The following NCAM1 variants were observed in gnomAD, a reference collection of about 807,000 sequenced individuals.
NCAM1 encodes the protein neural cell adhesion molecule 1.
Under a neutral mutation model 109.8 loss-of-function variants are expected in NCAM1, and 14 were observed. The ratio of observed to expected loss-of-function variants is 0.13; its 90% CI spans 0.08 to 0.20. The LOEUF (loss-of-function observed/expected upper bound fraction) is 0.20. Ranked by LOEUF, NCAM1 falls within the 10% of genes least tolerant of loss-of-function variation. NCAM1 has a pLI of 1.00. For synonymous variants in NCAM1, 418 were observed against 442.9 expected (o/e 0.94, Z 0.70); for missense variants, 774 against 1,109.9 (o/e 0.70, Z 4.30).
chr11:113,018,447 C>A (rs1952277030), intron 1 of NCAM1, among the ~76,000 whole-genome samples: 1 of 152,064 alleles, frequency 6.6e-6, no homozygotes, highest in East Asian at 1.9e-4. Context: ...TTTGGGCAAC[C>A]CTTCCCTTGA....
intron 1 of NCAM1, among the ~76,000 whole-genome samples, chr11:113,124,110 G>T (rs1266082586): frequency 6.6e-6 from 1 of 152,102 alleles, no homozygotes; most frequent in Non-Finnish European, 1.5e-5. Context: ...TTGAAAGAAA[G>T]GATAACAATG....
chr11:112,995,484 A>G (rs1053789185), intron 1 of NCAM1, among the ~76,000 whole-genome samples: 7 of 152,212 alleles, frequency 4.6e-5, no homozygotes, highest in Non-Finnish European at 7.3e-5. Flanking sequence ...AATGTTTACA[A>G]CAGTACTTTT....
rs372222917 is a variant in NCAM1 at position 112,973,753 on chromosome 11, G to A, written c.52+12089G>A. ...CTTTCTGCTAAAGTTCACAGTGAAG[G>A]GATATACAATTCGCGTTGGATTTAA... On this transcript the variant is annotated intron_variant, in intron 1 of 19. Coordinates refer to ENST00000316851, the MANE Select transcript of NCAM1 (RefSeq NM_181351.5). Among the ~76,000 whole-genome samples the A allele has an allele frequency of 2.0e-5, 3 of 152,146 alleles. No homozygotes were observed. In the South Asian group the frequency reaches 6.2e-4, roughly 32 times the overall value.
At chr11:113,235,370 G>C in intron 14 of NCAM1, 1 of 1,129,576 alleles carries the variant, frequency 8.9e-7, no homozygotes, top group South Asian at 1.2e-5. Context: ...TCTCCAAGGG[G>C]TTGGGGACAC....
chr11:113,267,131 T>G (rs1356770829), intron 17 of NCAM1, among the ~76,000 whole-genome samples: 1 of 152,230 alleles, frequency 6.6e-6, no homozygotes, highest in Non-Finnish European at 1.5e-5. Context: ...TGGTGCCATA[T>G]ACAGTAAGAC....
intron 1 of NCAM1, among the ~76,000 whole-genome samples, chr11:113,088,728 C>A (rs534320342): frequency 1.3e-5 from 2 of 152,254 alleles, no homozygotes; most frequent in East Asian, 3.9e-4. Flanking sequence ...TTCTCTCACT[C>A]CTTTTTTTCT....
In NCAM1 at chr11:113,277,117, T is replaced by A. The variant is rs1946412369; in HGVS notation, c.*1730T>A. The A allele has an allele frequency of 2.6e-6, 1 of 386,244 alleles. No individual in the cohort carries two copies. Among genetic ancestry groups the A allele is most frequent in the African/African-American group, 2.1e-5 (1 of 48,310 alleles). 23.9% of individuals were successfully genotyped at this position (386,244 alleles called of 1,614,324 possible). On this transcript the variant is annotated 3_prime_UTR_variant, in exon 20 of 20. Coordinates refer to ENST00000316851, the MANE Select transcript of NCAM1 (RefSeq NM_181351.5). The stretch of plus-strand genomic sequence containing the variant: ...CAGATGATGATGATGATGATGAAGA[T>A]GATGCTAAGTAAACAGAAATCAGTA...
intron 1 of NCAM1, among the ~76,000 whole-genome samples, chr11:112,995,035 G>A (rs1376380924): frequency 6.6e-6 from 1 of 152,138 alleles, no homozygotes; most frequent in Non-Finnish European, 1.5e-5. Flanking sequence ...CTCAGTAACT[G>A]GAGGTAGGGA....
chr11:113,052,665 G>A (rs1953548182), intron 1 of NCAM1, among the ~76,000 whole-genome samples: 2 of 152,174 alleles, frequency 1.3e-5, no homozygotes, highest in African/African-American at 4.8e-5. Flanking sequence ...AAAATTTTGT[G>A]AAGTTTAGAT....
At chr11:113,101,156 G>A (rs901472463) in intron 1 of NCAM1, among the ~76,000 whole-genome samples, 3 of 152,116 alleles carry the variant, frequency 2.0e-5, no homozygotes, top group Non-Finnish European at 4.4e-5. Flanking sequence ...CCTTTGACCT[G>A]GAAATCCCTC....
At chr11:113,143,810 C>G (rs1055238840) in intron 1 of NCAM1, among the ~76,000 whole-genome samples, 1 of 152,104 alleles carries the variant, frequency 6.6e-6, no homozygotes, top group Non-Finnish European at 1.5e-5. Flanking sequence ...AGAGGAAGGG[C>G]CTGTCCCTTG....
At chr11:113,036,456 C>G (rs1289001793) in intron 1 of NCAM1, among the ~76,000 whole-genome samples, 3 of 151,966 alleles carry the variant, frequency 2.0e-5, no homozygotes, top group Non-Finnish European at 2.9e-5. Context: ...AACCACCTGC[C>G]AAGCCACTGC....
rs368266067 is a variant in NCAM1, at chr11:113,196,841, T to G, written c.53-5538T>G. ...GACCCTTTATTTTCCCTCCAGTAGTTTGCTGATAATGAGAGCAAGCCATCT... is the reference window on the plus strand; with the variant it reads ...GACCCTTTATTTTCCCTCCAGTAGTGTGCTGATAATGAGAGCAAGCCATCT... On this transcript the variant is annotated intron_variant, in intron 1 of 19. Coordinates refer to ENST00000316851, the MANE Select transcript of NCAM1 (RefSeq NM_181351.5). 1.1e-4 allele frequency among the ~76,000 whole-genome samples: 16 copies of G among 152,184 alleles called. No homozygotes were observed. In the East Asian group the frequency reaches 2.1e-3, roughly 20 times the overall value.
intron 1 of NCAM1, among the ~76,000 whole-genome samples, chr11:112,982,355 G>A (rs1287585381): frequency 6.6e-6 from 1 of 151,934 alleles, no homozygotes; most frequent in African/African-American, 2.4e-5. Context: ...GCAAAGGTTT[G>A]GTGGCAGTGA....
At chr11:113,089,040 CG>C (rs1770728241) in intron 1 of NCAM1, among the ~76,000 whole-genome samples, 1 of 152,136 alleles carries the variant, frequency 6.6e-6, no homozygotes, top group Non-Finnish European at 1.5e-5. Flanking sequence ...GGCAGCCGGG[CG>C]CGGTGGCTCA....
Position 113,079,819 on chromosome 11 carries a change from G to A in NCAM1, c.52+118155G>A, listed in dbSNP as rs187004766. ...GTTTTCCTGGCCATTTTCCTGTACT[G>A]GGCAGACATGGCCACTGTAATATAA... On this transcript the variant is annotated intron_variant, in intron 1 of 19. Transcript: ENST00000316851. Among the ~76,000 whole-genome samples, 8 of 152,248 alleles carry A rather than the reference G, an allele frequency of 5.3e-5. No homozygotes were observed. In the East Asian group the frequency reaches 1.5e-3, roughly 29 times the overall value.
chr11:113,103,485 C>T (rs963781297), intron 1 of NCAM1, among the ~76,000 whole-genome samples: 1 of 152,158 alleles, frequency 6.6e-6, no homozygotes, highest in Admixed American at 6.5e-5. Context: ...TCAGCAAAAA[C>T]TCTCAACCCA....
intron 9 of NCAM1, among the ~76,000 whole-genome samples, chr11:113,224,806 G>A (rs1379874590): frequency 2.0e-5 from 3 of 152,242 alleles, no homozygotes; most frequent in Non-Finnish European, 4.4e-5. Context: ...CTCCGCTGCT[G>A]ATACCCAGGC....
At chr11:113,206,910 T>A (rs1555112940) in intron 5 of NCAM1, among the ~76,000 whole-genome samples, 1 of 152,246 alleles carries the variant, frequency 6.6e-6, no homozygotes, top group African/African-American at 2.4e-5. Flanking sequence ...CTTTTTAACA[T>A]CAAGTTTCAC....
Sources: gnomAD v4.1 joint callset for allele counts (sites outside exome capture counted in the v4.1 genomes callset) on GRCh38, gnomAD v4.1.1 for gene constraint, MANE v1.5 for transcripts, NCBI Gene and HGNC (gene_info 2026-07-23, HGNC 2026-07-21) for gene names.